The following TMEM117 variants were observed in gnomAD, a reference collection of about 807,000 sequenced individuals.
The protein encoded by TMEM117 is transmembrane protein 117.
A neutral mutation model predicts 52.4 loss-of-function variants in TMEM117; 27 were observed. That is an observed-to-expected ratio of 0.51 (90% CI 0.38 to 0.71). TMEM117 has a LOEUF of 0.71. TMEM117 is among the 30% of genes least tolerant of loss of function. The pLI, the probability that TMEM117 is intolerant of heterozygous loss-of-function variation, is 0.00. For synonymous variants in TMEM117, 215 were observed against 206.3 expected (o/e 1.04, Z -0.36); for missense variants, 556 against 630.5 (o/e 0.88, Z 1.26).
At chr12:44,172,347 C>A (rs970828181) in intron 4 of TMEM117, among the ~76,000 whole-genome samples, 3 of 152,166 alleles carry the variant, frequency 2.0e-5, no homozygotes, top group African/African-American at 7.2e-5. Context: ...TCCTTTCTTG[C>A]CTCTTTAGCT....
chr12:43,976,576 G>A (rs7312855), intron 3 of TMEM117, among the ~76,000 whole-genome samples: 2,476 of 152,224 alleles, frequency 0.016, 51 homozygotes, highest in African/African-American at 0.056. Context: ...TATCTAGATC[G>A]ATTTCTTTAC....
intron 6 of TMEM117, among the ~76,000 whole-genome samples, chr12:44,310,249 G>T (rs1258002446): frequency 1.3e-5 from 2 of 152,158 alleles, no homozygotes; most frequent in Non-Finnish European, 2.9e-5. Flanking sequence ...TAATATGACG[G>T]TATATAAAGA....
chr12:44,096,144 T>G (rs1373249245), intron 3 of TMEM117, among the ~76,000 whole-genome samples: 1 of 152,054 alleles, frequency 6.6e-6, no homozygotes, highest in Non-Finnish European at 1.5e-5. Flanking sequence ...TACCTAGGAA[T>G]CCAACTTACA....
At chr12:44,196,076 A>C (rs1036865071) in intron 4 of TMEM117, among the ~76,000 whole-genome samples, 1 of 151,992 alleles carries the variant, frequency 6.6e-6, no homozygotes, top group African/African-American at 2.4e-5. Context: ...AACAGAGCAA[A>C]ACTATGCCTC....
chr12:43,865,229 C>T (rs924336444), intron 2 of TMEM117, among the ~76,000 whole-genome samples: 1 of 152,262 alleles, frequency 6.6e-6, no homozygotes, highest in South Asian at 2.1e-4. Context: ...TTAGTGCTGT[C>T]TACTGCAGTA....
chr12:44,329,777 T>G (rs1951243985), intron 6 of TMEM117, among the ~76,000 whole-genome samples: 1 of 152,126 alleles, frequency 6.6e-6, no homozygotes, highest in Admixed American at 6.6e-5. Flanking sequence ...TCCTATTGTG[T>G]CTGGCTTACT....
chr12:44,076,829 C>T (rs974219717), intron 3 of TMEM117, among the ~76,000 whole-genome samples: 10 of 152,060 alleles, frequency 6.6e-5, no homozygotes, highest in East Asian at 1.9e-4. Context: ...TAAAATAGCC[C>T]GATGGAAGAT....
intron 3 of TMEM117, among the ~76,000 whole-genome samples, chr12:44,006,760 A>C (rs1946204077): frequency 6.6e-6 from 1 of 152,132 alleles, no homozygotes; most frequent in Non-Finnish European, 1.5e-5. Flanking sequence ...TTTGTTTATA[A>C]AATATTCACT....
chr12:44,139,492 C>CAT (rs10636420), intron 3 of TMEM117, among the ~76,000 whole-genome samples: 40,797 of 151,352 alleles, frequency 0.27, 9,906 homozygotes, highest in African/African-American at 0.65. Flanking sequence ...GAAATCTCCA[C>CAT]GTTTGTTATG....
intron 6 of TMEM117, among the ~76,000 whole-genome samples, chr12:44,370,322 T>A (rs1380427934): frequency 6.6e-6 from 1 of 152,132 alleles, no homozygotes; most frequent in Non-Finnish European, 1.5e-5. Flanking sequence ...TCAATCTTTG[T>A]TTCACTCTCT....
At chr12:43,968,259 G>A (rs1481305078) in intron 3 of TMEM117, among the ~76,000 whole-genome samples, 2 of 152,016 alleles carry the variant, frequency 1.3e-5, no homozygotes, top group Non-Finnish European at 2.9e-5. Flanking sequence ...CATCCTTACC[G>A]TAAACAGAAC....
At chr12:43,893,758 C>G (rs1487718146) in intron 2 of TMEM117, among the ~76,000 whole-genome samples, 1 of 152,168 alleles carries the variant, frequency 6.6e-6, no homozygotes, top group Non-Finnish European at 1.5e-5. Context: ...GCCTAAAACC[C>G]TAACCCAGAC....
At chr12:44,363,414 A>G (rs1457208406) in intron 6 of TMEM117, among the ~76,000 whole-genome samples, 2 of 152,180 alleles carry the variant, frequency 1.3e-5, no homozygotes, top group Non-Finnish European at 2.9e-5. Context: ...ATATTTAATC[A>G]TATTAGTAAA....
At chr12:44,227,704 T>C (rs1949881013) in intron 5 of TMEM117, among the ~76,000 whole-genome samples, 1 of 152,166 alleles carries the variant, frequency 6.6e-6, no homozygotes, top group Admixed American at 6.6e-5. Context: ...TTTTTGAGCA[T>C]TGTCTCTGCT....
chr12:44,306,702 TG>T (rs1422848100), intron 6 of TMEM117, among the ~76,000 whole-genome samples: 6 of 152,334 alleles, frequency 3.9e-5, no homozygotes, highest in African/African-American at 1.4e-4. Flanking sequence ...TATTTTGCTT[TG>T]TGAAAGAGTA....
At chr12:43,880,748 TAAA>T (rs935921231) in intron 2 of TMEM117, among the ~76,000 whole-genome samples, 4 of 152,212 alleles carry the variant, frequency 2.6e-5, no homozygotes, top group African/African-American at 9.6e-5. Context: ...ACACATCTTG[TAAA>T]AGAAACAAGG....
intron 6 of TMEM117, among the ~76,000 whole-genome samples, chr12:44,339,021 C>A (rs1386565995): frequency 1.3e-5 from 2 of 152,084 alleles, no homozygotes; most frequent in African/African-American, 2.4e-5. Flanking sequence ...ACTATTGGCT[C>A]TATGACCACA....
At chr12:44,242,585 G>A (rs1228924586) in intron 5 of TMEM117, among the ~76,000 whole-genome samples, 2 of 150,968 alleles carry the variant, frequency 1.3e-5, no homozygotes, top group Non-Finnish European at 3.0e-5. Flanking sequence ...ATTGTGAATA[G>A]TGCTGCAGTT....
chr12:44,197,876 T>C (rs193118063), intron 4 of TMEM117, among the ~76,000 whole-genome samples: 13 of 152,262 alleles, frequency 8.5e-5, no homozygotes, highest in East Asian at 3.9e-4. Context: ...CAGGCTATCA[T>C]TGAGATAATA....
Sources: gnomAD v4.1 joint callset for allele counts (sites outside exome capture counted in the v4.1 genomes callset) on GRCh38, gnomAD v4.1.1 for gene constraint, MANE v1.5 for transcripts, NCBI Gene and HGNC (gene_info 2026-07-23, HGNC 2026-07-21) for gene names.